Variants in RAB27B observed in about 807,000 individuals in gnomAD.
The protein encoded by RAB27B is ras-related protein Rab-27B.
Under a neutral mutation model 24.6 loss-of-function variants are expected in RAB27B, and 15 were observed. The observed-to-expected ratio is 0.61, with a 90% CI of 0.41 to 0.94. RAB27B has a LOEUF of 0.94. Among genes scored for constraint, RAB27B ranks in the 40% least tolerant of loss-of-function variants. The pLI is 0.00. For missense variants in RAB27B, 261 were observed against 266.8 expected (o/e 0.98, Z 0.15); for synonymous variants, 105 against 92.5 (o/e 1.14, Z -0.78).
chr18:54,721,666 A>G (rs1032243099), intron 2 of RAB27B, among the ~76,000 whole-genome samples: 2 of 152,206 alleles, frequency 1.3e-5, no homozygotes, highest in African/African-American at 2.4e-5. Context: ...AAGCAATTAA[A>G]TATTATTAAC....
intron 2 of RAB27B, among the ~76,000 whole-genome samples, chr18:54,815,914 A>G (rs1910107682): frequency 1.3e-5 from 2 of 152,132 alleles, no homozygotes; most frequent in Admixed American, 6.5e-5. Context: ...GTGATCCACC[A>G]TGCCTGGCCA....
At chr18:54,752,918 C>G (rs1907881006) in intron 2 of RAB27B, among the ~76,000 whole-genome samples, 1 of 152,082 alleles carries the variant, frequency 6.6e-6, no homozygotes, top group Non-Finnish European at 1.5e-5. Flanking sequence ...GAGGTGAGAT[C>G]TGTAGCACTT....
chr18:54,841,959 C>A (rs190696334), intron 1 of RAB27B, among the ~76,000 whole-genome samples: 1 of 152,304 alleles, frequency 6.6e-6, no homozygotes, highest in East Asian at 1.9e-4. Context: ...TCACAGACAA[C>A]AGCTTGACTC....
chr18:54,798,447 G>A (rs949733758), intron 2 of RAB27B, among the ~76,000 whole-genome samples: 3 of 152,258 alleles, frequency 2.0e-5, no homozygotes, highest in African/African-American at 7.2e-5. Context: ...GGAGCTAGAT[G>A]AGAACCAAGG....
chr18:54,881,648 C>T (rs866834885), intron 3 of RAB27B, among the ~76,000 whole-genome samples: 32 of 152,094 alleles, frequency 2.1e-4, no homozygotes, highest in African/African-American at 7.2e-4. Context: ...TTCACTGGTT[C>T]CTCCACCCTG....
At chr18:54,856,495 A>G (rs746173611) in intron 1 of RAB27B, among the ~76,000 whole-genome samples, 46 of 152,200 alleles carry the variant, frequency 3.0e-4, no homozygotes, top group Middle Eastern at 3.2e-3. Context: ...TTAAAAGATA[A>G]TTCTGCTTGT....
intron 1 of RAB27B, among the ~76,000 whole-genome samples, chr18:54,855,662 G>C (rs1200741275): frequency 6.6e-6 from 1 of 152,128 alleles, no homozygotes; most frequent in South Asian, 2.1e-4. Flanking sequence ...AGCAAAAGTA[G>C]GTGTTCAGTA....
At chr18:54,828,347 C>A (rs1310305096), upstream of RAB27B, 1 of 152,266 alleles carries the variant, frequency 6.6e-6, no homozygotes, top group African/African-American at 2.4e-5. Context: ...AGTTGAGTCA[C>A]CAGCAAGACT....
At chr18:54,845,532 ATAAGT>A (rs1568093452) in intron 1 of RAB27B, among the ~76,000 whole-genome samples, 1 of 152,102 alleles carries the variant, frequency 6.6e-6, no homozygotes, top group African/African-American at 2.4e-5. Context: ...AAATTGTGAA[ATAAGT>A]TAATACCGTC....
chr18:54,822,433 G>A (rs1434540855), intron 2 of RAB27B, among the ~76,000 whole-genome samples: 2 of 152,172 alleles, frequency 1.3e-5, no homozygotes, highest in Admixed American at 1.3e-4. Flanking sequence ...CAGCTTTTGG[G>A]AAAATGGAGA....
chr18:54,842,503 G>C (rs1290835736), intron 1 of RAB27B, among the ~76,000 whole-genome samples: 2 of 74,076 alleles, frequency 2.7e-5, no homozygotes, highest in Non-Finnish European at 5.9e-5. Context: ...AGGTTTATCA[G>C]GACATTCTCA....
chr18:54,850,424 T>C (rs994334548), intron 1 of RAB27B, among the ~76,000 whole-genome samples: 2 of 147,558 alleles, frequency 1.4e-5, no homozygotes, highest in African/African-American at 5.0e-5. Flanking sequence ...CAGCCTGGAG[T>C]GCAATGGTGC....
chr18:54,861,788 C>G (rs1912020061), intron 1 of RAB27B, among the ~76,000 whole-genome samples: 1 of 152,026 alleles, frequency 6.6e-6, no homozygotes, highest in Non-Finnish European at 1.5e-5. Context: ...TTAAAGCAGC[C>G]AAGTTTGAGA....
At chr18:54,752,500 T>C (rs1381796129) in intron 2 of RAB27B, among the ~76,000 whole-genome samples, 1 of 152,224 alleles carries the variant, frequency 6.6e-6, no homozygotes, top group African/African-American at 2.4e-5. Flanking sequence ...TAGCTGCGAA[T>C]AAATTGAATA....
At chr18:54,862,606 C>T (rs1047784540) in intron 1 of RAB27B, among the ~76,000 whole-genome samples, 5 of 152,112 alleles carry the variant, frequency 3.3e-5, no homozygotes, top group Non-Finnish European at 7.4e-5. Flanking sequence ...CTTAAGCTTC[C>T]GCTTGTCCAA....
chr18:54,767,577 C>A (rs1470485457), intron 2 of RAB27B, among the ~76,000 whole-genome samples: 2 of 152,116 alleles, frequency 1.3e-5, no homozygotes, highest in African/African-American at 4.8e-5. Context: ...AAAATCACTG[C>A]CCTTTTGTGT....
At chr18:54,727,481 A>G (rs1346907001) in intron 2 of RAB27B, among the ~76,000 whole-genome samples, 3 of 152,172 alleles carry the variant, frequency 2.0e-5, no homozygotes, top group Admixed American at 1.3e-4. Flanking sequence ...GCAGGCAATT[A>G]AGGTCCATTC....
intron 2 of RAB27B, among the ~76,000 whole-genome samples, chr18:54,721,668 A>T (rs959305713): frequency 6.6e-6 from 1 of 152,208 alleles, no homozygotes; most frequent in Non-Finnish European, 1.5e-5. Flanking sequence ...GCAATTAAAT[A>T]TTATTAACCA....
At chr18:54,737,119 T>C (rs1474178156) in intron 2 of RAB27B, among the ~76,000 whole-genome samples, 7 of 150,634 alleles carry the variant, frequency 4.6e-5, no homozygotes, top group Non-Finnish European at 8.9e-5. Flanking sequence ...ATTCTCTCTG[T>C]GGAAAAAAAA....
Sources: allele counts gnomAD v4.1 joint callset (sites outside exome capture counted in the v4.1 genomes callset), GRCh38; gene constraint gnomAD v4.1.1; transcripts MANE v1.5; gene names NCBI Gene and HGNC (gene_info 2026-07-23, HGNC 2026-07-21).